C10orf90: variants seen among roughly 807,000 people sequenced by gnomAD.
C10orf90 encodes the protein chromosome 10 open reading frame 90, also known as (E2-independent) E3 ubiquitin-conjugating enzyme FATS.
Under a neutral mutation model 62.5 loss-of-function variants are expected in C10orf90, and 56 were observed. That is an observed-to-expected ratio of 0.90 (90% CI 0.72 to 1.12). C10orf90 has a LOEUF of 1.12. Among genes scored for constraint, C10orf90 ranks in the 50% most tolerant of loss-of-function variants. The pLI is 0.00. For missense variants in C10orf90, 970 were observed against 880.4 expected (o/e 1.10, Z -1.29); for synonymous variants, 386 against 340.4 (o/e 1.13, Z -1.47).
intron 2 of C10orf90, among the ~76,000 whole-genome samples, chr10:126,518,716 T>C (rs1156650874): frequency 6.6e-6 from 1 of 152,088 alleles, no homozygotes; most frequent in African/African-American, 2.4e-5. Flanking sequence ...CACTAGTAGG[T>C]GCTAAGAGCT....
At chr10:126,442,478 C>CATATATATATATATATATATATATT in intron 7 of C10orf90, among the ~76,000 whole-genome samples, 1 of 33,806 alleles carries the variant, frequency 3.0e-5, no homozygotes, top group East Asian at 1.4e-3. Flanking sequence ...TTCAATATTT[C>CATATATATATATATATATATATATT]ATATATATAT....
At position 126,670,269 on chromosome 10, in the gene C10orf90, G is replaced by C; in HGVS notation, c.212C>G (p.Thr71Arg). The C allele has an allele frequency of 4.4e-6, 2 of 456,638 alleles. No homozygotes were observed. The highest frequency in any genetic ancestry group is 8.8e-6 in the Non-Finnish European group (2 of 226,964). 28.3% of individuals were successfully genotyped at this position (456,638 alleles called of 1,614,324 possible). ...CIIHMCQGLK[T>R]AEQTASRYEI... ...ATATCTGCTGGCTGTCTGCTCAGCC[G>C]TCTTCAAGCCTTGACACATATGGAT... The change falls in exon 1 of 10, where the codon ACG (threonine) becomes AGG (arginine). Residue 71 changes from threonine to arginine, a missense_variant. Transcript: ENST00000488181.
intron 2 of C10orf90, among the ~76,000 whole-genome samples, chr10:126,539,114 G>C (rs115093958): frequency 0.016 from 2,484 of 152,246 alleles, 64 homozygotes; most frequent in African/African-American, 0.057. Context: ...CACAGTCCCA[G>C]CTCAGAGCAA....
At chr10:126,509,806 G>A (rs1862989432) in intron 3 of C10orf90, among the ~76,000 whole-genome samples, 1 of 152,164 alleles carries the variant, frequency 6.6e-6, no homozygotes, top group African/African-American at 2.4e-5. Flanking sequence ...GTGTCTCAGT[G>A]AGACCCATTA....
At chr10:126,498,988 T>C (rs1390595799) in intron 4 of C10orf90, among the ~76,000 whole-genome samples, 1 of 152,198 alleles carries the variant, frequency 6.6e-6, no homozygotes, top group East Asian at 1.9e-4. Flanking sequence ...CAACATGTAA[T>C]ACTGGGGAAC....
At chr10:126,611,124 C>A (rs1230551768) in intron 2 of C10orf90, among the ~76,000 whole-genome samples, 4 of 152,110 alleles carry the variant, frequency 2.6e-5, no homozygotes, top group Admixed American at 2.6e-4. Context: ...AAATCCTGTA[C>A]CCAATGGCAG....
chr10:126,472,552 C>T (rs1860635250), intron 4 of C10orf90, among the ~76,000 whole-genome samples: 1 of 152,100 alleles, frequency 6.6e-6, no homozygotes, highest in Non-Finnish European at 1.5e-5. Context: ...GGGCTCCTTG[C>T]TGTTGATGGT....
intron 2 of C10orf90, among the ~76,000 whole-genome samples, chr10:126,632,742 G>C (rs930187177): frequency 6.6e-6 from 1 of 152,126 alleles, no homozygotes; most frequent in African/African-American, 2.4e-5. Flanking sequence ...TAGATTCGGA[G>C]TTGTGCCATT....
rs1386212662 is a variant in C10orf90, at chr10:126,498,292, A to G, written c.1534+5665T>C. Reference sequence around the variant, plus strand: ...AACCTTGTTGATCTACCCTGAACACATAGCCCCAGAATCTGACCACTTCTC... The same window carrying G: ...AACCTTGTTGATCTACCCTGAACACGTAGCCCCAGAATCTGACCACTTCTC... On this transcript the variant is annotated intron_variant, in intron 4 of 9. Coordinates refer to ENST00000488181, the MANE Select transcript of C10orf90 (RefSeq NM_001350921.2). Among the ~76,000 whole-genome samples, 6 of 152,174 alleles carry G rather than the reference A, an allele frequency of 3.9e-5. No individual in the cohort carries two copies. In the East Asian group the frequency reaches 1.2e-3, roughly 29 times the overall value.
chr10:126,621,438 G>A lies in C10orf90; in HGVS notation c.313+25127C>T, dbSNP rs536212331. ...TCGAACTTGTGACCCTTCATGTCAG[G>A]AACAATGTGGAATTTCTCTTCATAT... is the stretch of plus-strand genomic sequence containing the variant. On this transcript the variant is annotated intron_variant, in intron 2 of 9. Transcript: ENST00000488181. Among the ~76,000 whole-genome samples the A allele has an allele frequency of 6.6e-5, 10 of 152,282 alleles. No homozygotes were observed. In the South Asian group the frequency reaches 1.9e-3, roughly 28 times the overall value.
chr10:126,585,668 G>A (rs1255613289), intron 2 of C10orf90, among the ~76,000 whole-genome samples: 8 of 152,158 alleles, frequency 5.3e-5, no homozygotes, highest in Admixed American at 5.2e-4. Flanking sequence ...TGAGTCAAGA[G>A]TAAAGAATAG....
At chr10:126,544,544 G>GA (rs1554913165) in intron 2 of C10orf90, among the ~76,000 whole-genome samples, 3 of 147,686 alleles carry the variant, frequency 2.0e-5, no homozygotes, top group Non-Finnish European at 4.5e-5. Context: ...CATGTGAGAG[G>GA]TTTTTTTTTT....
intron 2 of C10orf90, among the ~76,000 whole-genome samples, chr10:126,581,588 G>A (rs1253104815): frequency 2.0e-5 from 3 of 152,092 alleles, no homozygotes; most frequent in African/African-American, 7.2e-5. Flanking sequence ...TCTGCAGGTT[G>A]GTCATCTTCC....
At chr10:126,465,037 A>G (rs1411457478) in intron 4 of C10orf90, 51 bp from the exon 5 acceptor site, 2 of 1,564,716 alleles carry the variant, frequency 1.3e-6, no homozygotes, top group Admixed American at 3.4e-5. Flanking sequence ...ATCCAATCTA[A>G]TGTACTGACT....
chr10:126,616,056 C>A (rs570666265), intron 2 of C10orf90, among the ~76,000 whole-genome samples: 2 of 152,212 alleles, frequency 1.3e-5, no homozygotes, highest in African/African-American at 2.4e-5. Flanking sequence ...GGCACAAATG[C>A]GCATCATTTC....
At chr10:126,637,267 C>T (rs1208380871) in intron 2 of C10orf90, among the ~76,000 whole-genome samples, 3 of 152,110 alleles carry the variant, frequency 2.0e-5, no homozygotes, top group African/African-American at 7.2e-5. Context: ...GGGACATGCA[C>T]TCTGTGTCGT....
At chr10:126,651,924 C>T (rs1174846953) in intron 1 of C10orf90, among the ~76,000 whole-genome samples, 2 of 152,156 alleles carry the variant, frequency 1.3e-5, no homozygotes, top group East Asian at 1.9e-4. Context: ...GGAGGCTCCA[C>T]CAGAAGGCAG....
rs1158481155 is a variant in C10orf90 at position 126,487,142 on chromosome 10, C to CAAAAAAAAAAAAAAAAAAAAAAAAAA, written c.1534+16789_1534+16814dup. Among the ~76,000 whole-genome samples the CAAAAAAAAAAAAAAAAAAAAAAAAAA allele has an allele frequency of 3.4e-4, 10 of 29,460 alleles. 1 individual carries two copies. The highest frequency in any genetic ancestry group is 5.0e-4 in the Admixed American group (1 of 2,020). The allele number at this position is 29,460 out of a possible 152,430, so 19.3% of individuals were successfully genotyped here. A position where few individuals can be genotyped will look rare whatever the true frequency, so the allele number is the denominator to read the frequency against. On this transcript the variant is annotated intron_variant, in intron 4 of 9. Transcript: ENST00000488181. ...CTGGGCAACAACAGTAAAACTCTGT[C>CAAAAAAAAAAAAAAAAAAAAAAAAAA]AAAAAAAAAAAAAAAAAAAAAAAAA... is the stretch of plus-strand genomic sequence containing the variant.
chr10:126,521,279 G>T, intron 2 of C10orf90: 1 of 1,613,154 alleles, frequency 6.2e-7, no homozygotes, highest in Non-Finnish European at 8.5e-7. Context: ...TTATATCTGT[G>T]GAAAAAAATT....
Sources: allele counts gnomAD v4.1 joint callset (sites outside exome capture counted in the v4.1 genomes callset), GRCh38; gene constraint gnomAD v4.1.1; transcripts MANE v1.5; gene names NCBI Gene and HGNC (gene_info 2026-07-23, HGNC 2026-07-21).